The following JHY variants were observed in gnomAD, a reference collection of about 807,000 sequenced individuals.
The protein encoded by JHY is jhy protein homolog.
In JHY, 69 loss-of-function variants were observed where a neutral mutation model predicts 78.0. The observed-to-expected ratio is 0.88, with a 90% CI of 0.73 to 1.08. JHY has a LOEUF of 1.08. Among genes scored for constraint, JHY ranks in the 50% least tolerant of loss-of-function variants. The probability of loss-of-function intolerance (pLI) is 0.00; values close to 1 mark genes in which losing one functional copy is unlikely to be tolerated. For synonymous variants in JHY, 368 were observed against 342.6 expected, an observed-to-expected ratio of 1.07 and a Z score of -0.82; for missense variants, 944 against 927.8, an observed-to-expected ratio of 1.02 and a Z score of -0.23.
chr11:122,899,880 G>A (rs888921293), intron 2 of JHY, among the ~76,000 whole-genome samples: 6 of 152,210 alleles, frequency 3.9e-5, no homozygotes, highest in African/African-American at 1.4e-4. Context: ...GATGGAGAAC[G>A]TGAGCCCAGG....
chr11:122,918,718 T>C (rs1863287199), intron 3 of JHY, among the ~76,000 whole-genome samples: 1 of 151,276 alleles, frequency 6.6e-6, no homozygotes, highest in Non-Finnish European at 1.5e-5. Context: ...GCAAGTTCAG[T>C]GAGCAACCCA....
At chr11:122,893,475 GTTATTT>G (rs1862668724) in intron 2 of JHY, among the ~76,000 whole-genome samples, 1 of 152,132 alleles carries the variant, frequency 6.6e-6, no homozygotes, top group Admixed American at 6.5e-5. Context: ...TCCTTCCTAG[GTTATTT>G]CAAAACTGGG....
chr11:122,927,075 C>G (rs896563746), intron 4 of JHY: 1 of 152,192 alleles, frequency 6.6e-6, no homozygotes, highest in African/African-American at 2.4e-5. Context: ...GAGGTTTATA[C>G]AGGGTGCAAT....
rs139855858 is a variant in JHY, at chr11:122,940,599, G to A, written c.1634+5524G>A. ...GTAGCGACTACCAGATCTCCCCATT[G>A]TAAAGGAACATTTTCCCTTTATAAG... On this transcript the variant is annotated intron_variant, in intron 5 of 8. Coordinates refer to ENST00000227349, the MANE Select transcript of JHY (RefSeq NM_024806.4). Among the ~76,000 whole-genome samples the A allele has an allele frequency of 4.5e-3, 688 of 152,214 alleles. 9 individuals carry two copies. The highest frequency in any genetic ancestry group is 0.016 in the African/African-American group (670 of 41,536).
intron 2 of JHY, among the ~76,000 whole-genome samples, chr11:122,887,873 T>A (rs1294118030): frequency 6.6e-6 from 1 of 152,136 alleles, no homozygotes; most frequent in Non-Finnish European, 1.5e-5. Context: ...GAAGATACAT[T>A]TTCAGGTCTT....
intron 2 of JHY, among the ~76,000 whole-genome samples, chr11:122,897,145 G>A (rs1365554915): frequency 2.0e-5 from 3 of 152,110 alleles, no homozygotes; most frequent in Admixed American, 1.3e-4. Context: ...GTGAGCCACC[G>A]CACCTGGCCA....
rs547366279 is a variant in JHY at position 122,959,995 on chromosome 11, A to G, written c.*550A>G. Among the ~76,000 whole-genome samples the G allele has an allele frequency of 6.6e-6, 1 of 152,344 alleles. No homozygotes were observed. The highest frequency in any genetic ancestry group is 2.4e-5 in the African/African-American group (1 of 41,584). On this transcript the variant is annotated 3_prime_UTR_variant, in exon 9 of 9. Coordinates refer to ENST00000227349, the MANE Select transcript of JHY (RefSeq NM_024806.4). ...ACGCCTGTAATCCCAGCACTTTGGG[A>G]AGCTGAGGCAGTTGAATAGCTTGAG... is the stretch of plus-strand genomic sequence containing the variant.
chr11:122,958,822 A>C, intron 8 of JHY: 1 of 985,178 alleles, frequency 1.0e-6, no homozygotes, highest in Non-Finnish European at 1.2e-6. Flanking sequence ...TGGGAGCTCA[A>C]GTGTATGTAA....
Position 122,903,960 on chromosome 11 carries a change from G to C in JHY, c.380G>C (p.Arg127Pro). 1 of 1,609,864 alleles carries C rather than the reference G, an allele frequency of 6.2e-7. No homozygotes were observed. The highest frequency in any genetic ancestry group is 8.5e-7 in the Non-Finnish European group (1 of 1,176,998). The change falls in exon 3 of 9, where the codon CGC becomes CCC. Residue 127 changes from arginine to proline, a missense_variant. Transcript: ENST00000227349. The stretch of plus-strand genomic sequence containing the variant: ...ATAGAAGACAAATATTCAGACCTCC[G>C]CTATGACCCGAACTGGAAGAGTAAG... ...QPIEDKYSDL[R>P]YDPNWKSKKE... is the part of the protein sequence containing the mutation.
At chr11:122,905,190 T>G in intron 3 of JHY, 1 of 1,613,968 alleles carries the variant, frequency 6.2e-7, no homozygotes, top group Non-Finnish European at 8.5e-7. Flanking sequence ...GAGAGTAAAT[T>G]CTCTCCCACG....
At chr11:122,946,833 TGAGAA>T (rs1362679734) in intron 6 of JHY, 41 bp downstream of exon 6, 5 of 1,563,398 alleles carry the variant, frequency 3.2e-6, no homozygotes, top group Non-Finnish European at 8.6e-7. Flanking sequence ...TCTTCCATTT[TGAGAA>T]TACAGATGGA....
chr11:122,917,252 C>T lies in JHY; in HGVS notation c.865-7645C>T, dbSNP rs939846256. Among the ~76,000 whole-genome samples the T allele has an allele frequency of 6.6e-6, 1 of 152,158 alleles. No homozygotes were observed. The highest frequency in any genetic ancestry group is 1.5e-5 in the Non-Finnish European group (1 of 68,038). On this transcript the variant is annotated intron_variant, in intron 3 of 8. Coordinates refer to ENST00000227349, the MANE Select transcript of JHY (RefSeq NM_024806.4). The surrounding 1 kb of genome is among the most constrained non-coding windows in gnomAD (Gnocchi z 4.1). ...GAGCCTAGCAGCCGTAAGCATTTAG[C>T]TATGGCCTCAGGATATCTTCAAGAC...
chr11:122,957,213 C>A, intron 7 of JHY, 150 bp from the exon 8 acceptor site: 1 of 792,314 alleles, frequency 1.3e-6, no homozygotes, highest in Non-Finnish European at 1.8e-6. Context: ...TTAACCATTT[C>A]ACTGCTGCCA....
At chr11:122,915,650 T>G (rs1047174290) in intron 3 of JHY, among the ~76,000 whole-genome samples, 2 of 151,944 alleles carry the variant, frequency 1.3e-5, no homozygotes, top group African/African-American at 2.4e-5. Context: ...GTAGCTGGGA[T>G]TAGAGGTACC....
rs759682121 is a variant in JHY, at chr11:122,921,035, C to CAA, written c.865-3850_865-3849dup. ...TGATTGGTATTAATAGAATGGTTCA[C>CAA]AAAAAAAAAAAAATAGCTGGCAGAG... is the stretch of plus-strand genomic sequence containing the variant. On this transcript the variant is annotated intron_variant, in intron 3 of 8. Coordinates refer to ENST00000227349, the MANE Select transcript of JHY (RefSeq NM_024806.4). Among the ~76,000 whole-genome samples the CAA allele has an allele frequency of 8.1e-3, 1,129 of 139,088 alleles. 11 individuals are homozygous for CAA. Among genetic ancestry groups the CAA allele is most frequent in the African/African-American group, 0.027 (1,038 of 38,170 alleles). The allele number at this position is 139,088 out of a possible 152,430, so 91.2% of individuals were successfully genotyped here. A position where few individuals can be genotyped will look rare whatever the true frequency, so the allele number is the denominator to read the frequency against.
At chr11:122,944,379 A>G (rs1863926379) in intron 5 of JHY, among the ~76,000 whole-genome samples, 1 of 152,052 alleles carries the variant, frequency 6.6e-6, no homozygotes, top group Non-Finnish European at 1.5e-5. Context: ...TGATTTGCAA[A>G]TATATATTCT....
Position 122,960,685 on chromosome 11 carries a change from C to G in JHY, c.*1240C>G, listed in dbSNP as rs1864294580. 3 of 379,150 alleles carry G rather than the reference C, an allele frequency of 7.9e-6. No homozygotes were observed. Among genetic ancestry groups the G allele is most frequent in the Non-Finnish European group, 1.6e-5 (3 of 187,534 alleles). 23.5% of individuals were successfully genotyped at this position (379,150 alleles called of 1,614,324 possible). The stretch of plus-strand genomic sequence containing the variant: ...GTCTATGTAATTTAAAAATATGGTG[C>G]CTCTATTGGAGAATCTGCTTATCAA... On this transcript the variant is annotated 3_prime_UTR_variant, in exon 9 of 9. Coordinates refer to ENST00000227349, the MANE Select transcript of JHY (RefSeq NM_024806.4).
chr11:122,911,478 C>T (rs1239190619), intron 3 of JHY, among the ~76,000 whole-genome samples: 3 of 152,158 alleles, frequency 2.0e-5, no homozygotes, highest in Non-Finnish European at 4.4e-5. Context: ...GGGATATTAA[C>T]AGAAAACAAG....
At position 122,917,172 on chromosome 11, in the gene JHY, T is replaced by C. The variant is rs1863249791; in HGVS notation, c.865-7725T>C. Among the ~76,000 whole-genome samples, 1 of 152,158 alleles carries C rather than the reference T, an allele frequency of 6.6e-6. No individual in the cohort carries two copies. Among genetic ancestry groups the C allele is most frequent in the African/African-American group, 2.4e-5 (1 of 41,430 alleles). On this transcript the variant is annotated intron_variant, in intron 3 of 8. Transcript: ENST00000227349. The surrounding 1 kb of genome is among the most constrained non-coding windows in gnomAD (Gnocchi z 4.1). Reference sequence around the variant, plus strand: ...GTTTGGGAACAAATGGAAAAGACTCTTGGTAAACATACAACTCAACAAGTG... The same window carrying C: ...GTTTGGGAACAAATGGAAAAGACTCCTGGTAAACATACAACTCAACAAGTG...
Sources: allele counts gnomAD v4.1 joint callset (sites outside exome capture counted in the v4.1 genomes callset), GRCh38; gene constraint gnomAD v4.1.1; non-coding constraint Gnocchi (gnomAD v3.1); transcripts MANE v1.5; gene names NCBI Gene and HGNC (gene_info 2026-07-23, HGNC 2026-07-21).